Variants in UGT1A9 observed in about 807,000 individuals in gnomAD.
The protein encoded by UGT1A9 is UDP-glucuronosyltransferase 1A9.
UGT1A9 carries 35 observed loss-of-function variants against 45.0 expected under a neutral mutation model. That is an observed-to-expected ratio of 0.78 (90% confidence interval 0.59 to 1.03). The LOEUF (loss-of-function observed/expected upper bound fraction) is 1.03. Among genes scored for constraint, UGT1A9 ranks in the 50% least tolerant of loss-of-function variants. UGT1A9 has a pLI of 0.00. For missense variants in UGT1A9, 687 were observed against 666.6 expected (o/e 1.03, Z -0.34); for synonymous variants, 278 against 250.6 (o/e 1.11, Z -1.03).
Position 233,672,021 on chromosome 2 carries a change from G to A in UGT1A9, c.87G>A (p.Leu29=). The A allele has an allele frequency of 6.2e-7, 1 of 1,614,142 alleles. No homozygotes were observed. The highest frequency in any genetic ancestry group is 8.5e-7 in the Non-Finnish European group (1 of 1,179,992). ...GCTTTGCCGAGGCAGGGAAGCTACT[G>A]GTAGTGCCCATGGATGGGAGCCACT... The part of the protein sequence containing the change: ...TCGFAEAGKL[L]VVPMDGSHWF... The change falls in exon 1 of 5, where the codon CTG becomes CTA. Residue 29 remains leucine (L), a synonymous_variant. Coordinates refer to ENST00000354728, the MANE Select transcript of UGT1A9 (RefSeq NM_021027.3).
intron 1 of UGT1A9, chr2:233,693,596 A>C: frequency 1.2e-6 from 2 of 1,614,214 alleles, no homozygotes; most frequent in Non-Finnish European, 1.7e-6. Context: ...GTGCTACACA[A>C]AGTTTTCAGA....
rs67292694 is a variant in UGT1A9, at chr2:233,757,535, A to AATATATATATATATATAT, written c.856-9490_856-9473dup. Among the ~76,000 whole-genome samples the AATATATATATATATATAT allele has an allele frequency of 4.3e-3, 380 of 88,202 alleles. 7 individuals carry two copies. The highest frequency in any genetic ancestry group is 0.012 in the Middle Eastern group (2 of 172). The allele number at this position is 88,202 out of a possible 152,430, so 57.9% of individuals were successfully genotyped here. ...CAAAGCCAAAATCTTGCCTGTAAGG[A>AATATATATATATATATAT]ATATATATATATATATATATATATA... On this transcript the variant is annotated intron_variant, in intron 1 of 4. Transcript: ENST00000354728.
intron 1 of UGT1A9, among the ~76,000 whole-genome samples, chr2:233,711,520 T>C (rs1354665738): frequency 6.6e-6 from 1 of 152,188 alleles, no homozygotes; most frequent in African/African-American, 2.4e-5. Flanking sequence ...CTCTGTGTCC[T>C]CACAACTCCC....
chr2:233,724,170 C>G (rs1159618034), intron 1 of UGT1A9, among the ~76,000 whole-genome samples: 4 of 122,852 alleles, frequency 3.3e-5, no homozygotes, highest in Admixed American at 7.6e-5. Flanking sequence ...GCTGACCCCC[C>G]CATCTCCCTC....
chr2:233,743,929 G>A (rs1692592550), intron 1 of UGT1A9: 10 of 1,360,304 alleles, frequency 7.4e-6, no homozygotes, highest in Non-Finnish European at 9.8e-6. Flanking sequence ...TGGATGGCCA[G>A]AACGGCCCAC....
At chr2:233,763,105 T>C (rs1443643010) in intron 1 of UGT1A9, among the ~76,000 whole-genome samples, 1 of 152,254 alleles carries the variant, frequency 6.6e-6, no homozygotes, top group Non-Finnish European at 1.5e-5. Context: ...GGCACCGAAC[T>C]TTATCAGCTG....
At chr2:233,717,649 C>G in intron 1 of UGT1A9, 1 of 403,118 alleles carries the variant, frequency 2.5e-6, no homozygotes, top group East Asian at 7.2e-5. Context: ...GCGACCAGGA[C>G]AAGGAAGCAT....
intron 1 of UGT1A9, among the ~76,000 whole-genome samples, chr2:233,748,829 G>T (rs1192020175): frequency 6.6e-6 from 1 of 151,330 alleles, no homozygotes. Context: ...GTCTAGGGAG[G>T]AGATAAAACT....
Position 233,772,634 on chromosome 2 carries a change from T to C in UGT1A9, c.*75T>C. On this transcript the variant is annotated 3_prime_UTR_variant, in exon 5 of 5. Transcript: ENST00000354728. ...CCAAACTTGAAAACAGAATCAGTGT[T>C]AAATTCATTTTATTCTTATTAAGGA... The C allele has an allele frequency of 6.4e-7, 1 of 1,555,940 alleles. No individual in the cohort carries two copies. The highest frequency in any genetic ancestry group is 2.4e-5 in the East Asian group (1 of 41,342).
chr2:233,721,672 C>T, intron 1 of UGT1A9: 1 of 278,988 alleles, frequency 3.6e-6, no homozygotes, highest in South Asian at 3.5e-5. Context: ...AGGGTTAATC[C>T]AATAATGAGC....
chr2:233,719,446 A>G (rs765990866), intron 1 of UGT1A9: 48 of 1,613,862 alleles, frequency 3.0e-5, no homozygotes, highest in Non-Finnish European at 2.5e-5. Context: ...ACATTCCTGC[A>G]AAGGGTCAAG....
intron 1 of UGT1A9, chr2:233,755,069 G>T: frequency 2.2e-6 from 3 of 1,336,508 alleles, no homozygotes; most frequent in Non-Finnish European, 3.0e-6. Flanking sequence ...CCTCGCCATA[G>T]CGGTCATAGA....
At chr2:233,676,820 G>T (rs2074372635) in intron 1 of UGT1A9, among the ~76,000 whole-genome samples, 1 of 152,138 alleles carries the variant, frequency 6.6e-6, no homozygotes, top group African/African-American at 2.4e-5. Flanking sequence ...ATATTCAACT[G>T]TAGAAAAACA....
At chr2:233,733,959 G>A (rs561727271) in intron 1 of UGT1A9, among the ~76,000 whole-genome samples, 43 of 152,168 alleles carry the variant, frequency 2.8e-4, no homozygotes, top group African/African-American at 9.4e-4. Context: ...CCTGTTGTGG[G>A]GTAGGGGGAG....
rs577014868 is a variant in UGT1A9, at chr2:233,772,525, G to A, written c.1559G>A (p.Arg520Gln). 2.1e-5 allele frequency: 34 copies of A among 1,614,136 alleles called. 1 individual carries two copies. In the South Asian group the frequency reaches 2.9e-4, roughly 14 times the overall value. The stretch of plus-strand genomic sequence containing the variant: ...CGGAAATGCTTGGGGAAAAAAGGGC[G>A]AGTTAAGAAAGCCCACAAATCCAAG... ...GYRKCLGKKG[R>Q]VKKAHKSKTH The change falls in exon 5 of 5, where the codon CGA becomes CAA. Residue 520 changes from arginine (R) to glutamine (Q), a missense_variant. Transcript: ENST00000354728.
chr2:233,706,284 C>T (rs1160416352), intron 1 of UGT1A9, among the ~76,000 whole-genome samples: 2 of 152,062 alleles, frequency 1.3e-5, no homozygotes, highest in East Asian at 1.9e-4. Flanking sequence ...AGGGGTGGGG[C>T]CCAGTGCCAG....
intron 1 of UGT1A9, among the ~76,000 whole-genome samples, chr2:233,733,368 G>A (rs1157903403): frequency 6.6e-6 from 1 of 152,148 alleles, no homozygotes; most frequent in African/African-American, 2.4e-5. Context: ...GGTGAGAGAG[G>A]TCATCCTTGT....
chr2:233,688,115 T>A (rs2074878398), intron 1 of UGT1A9, among the ~76,000 whole-genome samples: 1 of 152,140 alleles, frequency 6.6e-6, no homozygotes, highest in Non-Finnish European at 1.5e-5. Context: ...CTTCTACCCC[T>A]CAGCACTAAT....
In UGT1A9 at chr2:233,760,701, C is replaced by G. The variant is rs768185321; in HGVS notation, c.856-6333C>G. 6.8e-6 allele frequency: 11 copies of G among 1,614,172 alleles called. No individual in the cohort carries two copies. In the Admixed American group the frequency reaches 1.8e-4, roughly 27 times the overall value. ...TACTGCACAACAAGGAGCTCATGGCCTCCCTGGCAGAAAGCAGCTTTGATG... is the reference window on the plus strand; with the variant it reads ...TACTGCACAACAAGGAGCTCATGGCGTCCCTGGCAGAAAGCAGCTTTGATG... On this transcript the variant is annotated intron_variant, in intron 1 of 4. Transcript: ENST00000354728.
Sources: gnomAD v4.1 joint callset for allele counts (sites outside exome capture counted in the v4.1 genomes callset) on GRCh38, gnomAD v4.1.1 for gene constraint, MANE v1.5 for transcripts, NCBI Gene and HGNC (gene_info 2026-07-23, HGNC 2026-07-21) for gene names.